PCED1B: variants seen among roughly 807,000 people sequenced by gnomAD.
The protein encoded by PCED1B is PC-esterase domain containing 1B, also known as PC-esterase domain-containing protein 1B.
For missense variants in PCED1B, 573 were observed against 573.9 expected (o/e 1.00, Z 0.02); for synonymous variants, 251 against 246.1 (o/e 1.02, Z -0.19).
intron 2 of PCED1B, chr12:47,210,604 A>G (rs1317368837): frequency 1.3e-5 from 2 of 152,092 alleles, no homozygotes; most frequent in Non-Finnish European, 2.9e-5. Flanking sequence ...TGCCTCTACT[A>G]AAAATACAAA....
chr12:47,138,895 T>A lies in PCED1B; in HGVS notation c.-526+34700T>A, dbSNP rs142166882. Among the ~76,000 whole-genome samples, 258 of 152,348 alleles carry A rather than the reference T, an allele frequency of 1.7e-3. 1 individual carries two copies. The highest frequency in any genetic ancestry group is 2.6e-3 in the Non-Finnish European group (176 of 68,032). On this transcript the variant is annotated intron_variant, in intron 2 of 3. Coordinates refer to ENST00000546455, the MANE Select transcript of PCED1B (RefSeq NM_138371.3). ...TGAAAAATTTCCAATAGACTGTATGTCCTTGTGCCTTTGGGATAATGTTTT... is the reference window on the plus strand; with the variant it reads ...TGAAAAATTTCCAATAGACTGTATGACCTTGTGCCTTTGGGATAATGTTTT...
chr12:47,087,515 C>T (rs1938045585), intron 1 of PCED1B, among the ~76,000 whole-genome samples: 1 of 152,102 alleles, frequency 6.6e-6, no homozygotes, highest in Non-Finnish European at 1.5e-5. Flanking sequence ...TGGCTACACT[C>T]CCAGAGCCGT....
chr12:47,193,378 A>T (rs1359435936), intron 2 of PCED1B, among the ~76,000 whole-genome samples: 2 of 152,080 alleles, frequency 1.3e-5, no homozygotes, highest in Non-Finnish European at 2.9e-5. Flanking sequence ...TCTTTATAAT[A>T]ATTCCCTGCT....
At chr12:47,214,651 A>AAAAAG (rs1305343085) in intron 2 of PCED1B, among the ~76,000 whole-genome samples, 3 of 152,188 alleles carry the variant, frequency 2.0e-5, no homozygotes, top group Non-Finnish European at 2.9e-5. Flanking sequence ...CAATTCAAAA[A>AAAAAG]AAAAGAAAAG....
At chr12:47,089,408 C>G (rs1243456841) in intron 1 of PCED1B, among the ~76,000 whole-genome samples, 1 of 140,128 alleles carries the variant, frequency 7.1e-6, no homozygotes, top group Non-Finnish European at 1.5e-5. Flanking sequence ...GATCATGCCA[C>G]TGAACTCCAG....
At chr12:47,121,239 G>A (rs941259931) in intron 2 of PCED1B, among the ~76,000 whole-genome samples, 1 of 152,168 alleles carries the variant, frequency 6.6e-6, no homozygotes, top group Non-Finnish European at 1.5e-5. Flanking sequence ...ATACATTGTA[G>A]GCGACGGTTT....
intron 1 of PCED1B, among the ~76,000 whole-genome samples, chr12:47,086,644 T>C (rs1227224600): frequency 6.6e-6 from 1 of 152,214 alleles, no homozygotes; most frequent in Non-Finnish European, 1.5e-5. Context: ...AAACTATGCA[T>C]CTAGAATTAT....
chr12:47,139,770 A>G (rs1592191756), intron 2 of PCED1B, among the ~76,000 whole-genome samples: 2 of 142,152 alleles, frequency 1.4e-5, no homozygotes, highest in African/African-American at 5.0e-5. Context: ...TGTGAGAGAT[A>G]TGTGTGCATA....
chr12:47,086,360 T>TAAAAAAAAAAAAAAAAAAAA (rs3045485), intron 1 of PCED1B, among the ~76,000 whole-genome samples: 2 of 95,508 alleles, frequency 2.1e-5, no homozygotes, highest in African/African-American at 9.2e-5. Context: ...GTGCTTATGG[T>TAAAAAAAAAAAAAAAAAAAA]AAAAAAAAAA....
intron 3 of PCED1B, among the ~76,000 whole-genome samples, chr12:47,222,776 C>CT (rs34765697): frequency 0.75 from 114,643 of 152,040 alleles, 44,048 homozygotes; most frequent in African/African-American, 0.91. Flanking sequence ...GGAGCAGGAT[C>CT]AAACCCAGGG....
At chr12:47,233,576 A>G (rs1287800482) in intron 3 of PCED1B, among the ~76,000 whole-genome samples, 1 of 152,206 alleles carries the variant, frequency 6.6e-6, no homozygotes, top group Non-Finnish European at 1.5e-5. Flanking sequence ...CTATTGTAGT[A>G]AGGTCTATTT....
chr12:47,100,846 T>C (rs893022057), intron 1 of PCED1B, among the ~76,000 whole-genome samples: 1 of 152,114 alleles, frequency 6.6e-6, no homozygotes, highest in Non-Finnish European at 1.5e-5. Flanking sequence ...GGGGGGCAGA[T>C]CATCTGAGAT....
rs778326928 is a variant in PCED1B, at chr12:47,235,729, G to A, written c.666G>A (p.Arg222=). 1.3e-5 allele frequency: 21 copies of A among 1,609,666 alleles called. No homozygotes were observed. The Admixed American group carries it at 3.2e-4, about 25-fold the overall frequency. ...LDLHFHFRHA[R]ENLHWDGVHW... ...TGCATTTCCACTTCCGCCACGCGAG[G>A]GAGAACCTGCACTGGGACGGGGTGC... Residue 222 remains arginine, a synonymous_variant, in exon 4 of 4, where the codon AGG becomes AGA. Transcript: ENST00000546455.
At chr12:47,221,844 G>C (rs1943487099) in intron 3 of PCED1B, among the ~76,000 whole-genome samples, 1 of 152,106 alleles carries the variant, frequency 6.6e-6, no homozygotes, top group Admixed American at 6.6e-5. Context: ...GCTTATGGCT[G>C]TAATCCCAGC....
At chr12:47,178,672 GCCTGA>G (rs1280510772) in intron 2 of PCED1B, among the ~76,000 whole-genome samples, 17 of 152,152 alleles carry the variant, frequency 1.1e-4, no homozygotes, top group African/African-American at 4.1e-4. Flanking sequence ...TTCGAGACCA[GCCTGA>G]CCAACATGGT....
chr12:47,096,942 G>A (rs1012473461), intron 1 of PCED1B, among the ~76,000 whole-genome samples: 15 of 152,152 alleles, frequency 9.9e-5, no homozygotes, highest in African/African-American at 3.6e-4. Context: ...GCAAGATCAG[G>A]CAGCAATATT....
chr12:47,217,058 A>C (rs906876827), intron 3 of PCED1B, among the ~76,000 whole-genome samples: 6 of 152,206 alleles, frequency 3.9e-5, no homozygotes, highest in African/African-American at 1.4e-4. Context: ...GACCTTGGGC[A>C]GATTACTCAA....
chr12:47,179,781 G>T (rs1020171345), intron 2 of PCED1B, among the ~76,000 whole-genome samples: 1 of 152,000 alleles, frequency 6.6e-6, no homozygotes, highest in Non-Finnish European at 1.5e-5. Context: ...GAGACTGAGG[G>T]TACAGCAGAG....
At chr12:47,080,489 T>C (rs573306731) in intron 1 of PCED1B, among the ~76,000 whole-genome samples, 1 of 152,198 alleles carries the variant, frequency 6.6e-6, no homozygotes, top group African/African-American at 2.4e-5. Flanking sequence ...CGCTCGTTTC[T>C]AGGGAGGAGG....
Sources: gnomAD v4.1 joint callset for allele counts (sites outside exome capture counted in the v4.1 genomes callset) on GRCh38, gnomAD v4.1.1 for gene constraint, MANE v1.5 for transcripts, NCBI Gene and HGNC (gene_info 2026-07-23, HGNC 2026-07-21) for gene names.